The following GRB10 variants were observed in gnomAD, a reference collection of about 807,000 sequenced individuals.
GRB10 encodes the protein growth factor receptor-bound protein 10.
A neutral mutation model predicts 80.9 loss-of-function variants in GRB10; 20 were observed. The ratio of observed to expected loss-of-function variants is 0.25; its 90% CI spans 0.17 to 0.36. GRB10 has a LOEUF of 0.36. Ranked by LOEUF, GRB10 falls within the 10% of genes least tolerant of loss-of-function variation. The pLI is 1.00. For synonymous variants in GRB10, 291 were observed against 291.5 expected, an observed-to-expected ratio of 1.00 and a Z score of 0.02; for missense variants, 548 against 747.7, an observed-to-expected ratio of 0.73 and a Z score of 3.12.
At chr7:50,778,074 C>T (rs547811784) in intron 2 of GRB10, among the ~76,000 whole-genome samples, 25 of 152,246 alleles carry the variant, frequency 1.6e-4, no homozygotes, top group African/African-American at 5.3e-4. Flanking sequence ...TATCCCGGAA[C>T]TAAAGAAAGA....
intron 3 of GRB10, among the ~76,000 whole-genome samples, chr7:50,744,400 C>G (rs1009978565): frequency 6.6e-6 from 1 of 152,070 alleles, no homozygotes; most frequent in African/African-American, 2.4e-5. Flanking sequence ...CAGCTGAGCA[C>G]TGAACAAGGT....
At chr7:50,778,672 A>G (rs2077957747) in intron 2 of GRB10, among the ~76,000 whole-genome samples, 1 of 152,218 alleles carries the variant, frequency 6.6e-6, no homozygotes, top group Non-Finnish European at 1.5e-5. Context: ...ACGCTGACAG[A>G]AACAGGCAAG....
chr7:50,621,530 G>A (rs1284864925), intron 8 of GRB10, among the ~76,000 whole-genome samples: 5 of 152,206 alleles, frequency 3.3e-5, no homozygotes, highest in South Asian at 2.1e-4. Context: ...TGCAGCCTCC[G>A]GATGCAGCTG....
In GRB10 at chr7:50,663,237, G is replaced by C. The variant is rs2153630733; in HGVS notation, c.504+6485C>G. On this transcript the variant is annotated intron_variant, in intron 7 of 18. Transcript: ENST00000401949. ...TGGGACCCCAGGCAGCCCCCTCCCT[G>C]GGGATGCTGACAGGTGAAGGGACCT... 2.0e-5 allele frequency among the ~76,000 whole-genome samples: 3 copies of C among 152,228 alleles called. 1 individual carries two copies. Among genetic ancestry groups the C allele is most frequent in the Middle Eastern group, 6.8e-3 (2 of 294 alleles).
chr7:50,716,214 C>T (rs932712341), intron 4 of GRB10, among the ~76,000 whole-genome samples: 2 of 152,188 alleles, frequency 1.3e-5, no homozygotes, highest in Non-Finnish European at 2.9e-5. Context: ...GCATGGGACA[C>T]AAGACAGCCC....
chr7:50,681,408 C>T (rs980638741), intron 5 of GRB10, among the ~76,000 whole-genome samples: 1 of 152,352 alleles, frequency 6.6e-6, no homozygotes, highest in African/African-American at 2.4e-5. Flanking sequence ...ACTCGAGGGG[C>T]GATGGTGTTT....
chr7:50,653,286 GTCTGT>G (rs1273697562), intron 7 of GRB10, among the ~76,000 whole-genome samples: 1 of 152,204 alleles, frequency 6.6e-6, no homozygotes, highest in Non-Finnish European at 1.5e-5. Context: ...AGCAGGAAGA[GTCTGT>G]GCTGTGCTGC....
intron 17 of GRB10, among the ~76,000 whole-genome samples, chr7:50,597,975 C>G (rs1428448583): frequency 1.3e-5 from 2 of 152,020 alleles, no homozygotes; most frequent in Non-Finnish European, 2.9e-5. Context: ...GCGATTCTCC[C>G]CTCTAAGCCT....
At chr7:50,683,232 T>C (rs915030187) in intron 5 of GRB10, among the ~76,000 whole-genome samples, 2 of 152,254 alleles carry the variant, frequency 1.3e-5, no homozygotes, top group Admixed American at 6.5e-5. Context: ...AAACACTATC[T>C]GATTCTGCTC....
chr7:50,598,264 A>G (rs1229436468), intron 17 of GRB10, among the ~76,000 whole-genome samples: 1 of 152,210 alleles, frequency 6.6e-6, no homozygotes, highest in African/African-American at 2.4e-5. Context: ...TGAAATAACA[A>G]TCACTGCAAT....
At chr7:50,678,637 C>T (rs2061215053) in intron 5 of GRB10, among the ~76,000 whole-genome samples, 1 of 152,058 alleles carries the variant, frequency 6.6e-6, no homozygotes, top group Non-Finnish European at 1.5e-5. Context: ...AGGTTTGATT[C>T]AAAAGAAGAC....
At chr7:50,596,842 TA>T (rs563103069) in intron 17 of GRB10, among the ~76,000 whole-genome samples, 8 of 152,336 alleles carry the variant, frequency 5.3e-5, no homozygotes, top group Non-Finnish European at 7.4e-5. Context: ...AATTTTTTTT[TA>T]ATCCTAAATT....
At chr7:50,706,603 G>A (rs1004025446) in intron 4 of GRB10, among the ~76,000 whole-genome samples, 7 of 152,198 alleles carry the variant, frequency 4.6e-5, no homozygotes, top group East Asian at 1.9e-4. Context: ...GGTAAGCAGT[G>A]GCCCCACCCT....
intron 2 of GRB10, among the ~76,000 whole-genome samples, chr7:50,762,826 G>T (rs1245183226): frequency 6.6e-6 from 1 of 152,158 alleles, no homozygotes; most frequent in Non-Finnish European, 1.5e-5. Flanking sequence ...CAAAAGACAG[G>T]CAAAAAGCCG....
intron 15 of GRB10, 67 bp downstream of exon 15, chr7:50,605,223 G>C (rs896453033): frequency 2.4e-6 from 3 of 1,233,800 alleles, no homozygotes; most frequent in Non-Finnish European, 2.4e-6. Flanking sequence ...TCCTCTGGGA[G>C]AAGACCACGT....
At chr7:50,674,780 G>A (rs935263056) in intron 5 of GRB10, 122 bp from the exon 6 acceptor site, 44 of 812,394 alleles carry the variant, frequency 5.4e-5, no homozygotes, top group Non-Finnish European at 9.1e-5. Flanking sequence ...TTATGGAAGG[G>A]GTAGAGGGGA....
At chr7:50,627,897 G>T (rs986586870) in intron 7 of GRB10, among the ~76,000 whole-genome samples, 2 of 152,210 alleles carry the variant, frequency 1.3e-5, no homozygotes, top group Non-Finnish European at 2.9e-5. Context: ...GCCCTGGGGG[G>T]CAGGCTGTCT....
At chr7:50,628,160 A>T (rs1052145765) in intron 7 of GRB10, among the ~76,000 whole-genome samples, 4 of 152,262 alleles carry the variant, frequency 2.6e-5, no homozygotes, top group African/African-American at 9.6e-5. Flanking sequence ...ACACACAGGC[A>T]GCTGAGAGGC....
chr7:50,781,013 T>A (rs978797279), intron 1 of GRB10: 1 of 152,158 alleles, frequency 6.6e-6, no homozygotes, highest in Non-Finnish European at 1.5e-5. Flanking sequence ...ACACTAAAAA[T>A]AACTCACATT....
Sources: allele counts gnomAD v4.1 joint callset (sites outside exome capture counted in the v4.1 genomes callset), GRCh38; gene constraint gnomAD v4.1.1; transcripts MANE v1.5; gene names NCBI Gene and HGNC (gene_info 2026-07-23, HGNC 2026-07-21).